Variants in TLE2 observed in about 807,000 individuals in gnomAD.
The protein encoded by TLE2 is TLE family member 2, transcriptional corepressor, also known as transducin-like enhancer protein 2.
TLE2 carries 74 observed loss-of-function variants against 97.2 expected under a neutral mutation model. The observed-to-expected ratio is 0.76, with a 90% confidence interval of 0.63 to 0.92. The LOEUF is 0.92. Ranked by LOEUF, TLE2 falls within the 40% of genes least tolerant of loss-of-function variation. The pLI, the probability that TLE2 is intolerant of heterozygous loss-of-function variation, is 0.00. For synonymous variants in TLE2, 499 were observed against 432.1 expected, an observed-to-expected ratio of 1.15 and a Z score of -1.92; for missense variants, 1,038 against 1,008.7, an observed-to-expected ratio of 1.03 and a Z score of -0.39.
In TLE2 at chr19:3,019,488, C is replaced by A; in HGVS notation, c.370-25G>T. ...GCTGCTAGAAAGGAGGCAGGATGGGCCGGGGCGGGGGGCGGCAGGAGCCCA... is the reference window on the plus strand; with the variant it reads ...GCTGCTAGAAAGGAGGCAGGATGGGACGGGGCGGGGGGCGGCAGGAGCCCA... On this transcript the variant is annotated intron_variant, in intron 6 of 19. Transcript: ENST00000262953. The surrounding 1 kb of genome is among the most constrained non-coding windows in gnomAD (Gnocchi z 5.1). 1 of 1,494,746 alleles carries A rather than the reference C, an allele frequency of 6.7e-7. No homozygotes were observed. The allele number at this position is 1,494,746 out of a possible 1,614,324, so 92.6% of individuals were successfully genotyped here.
At chr19:3,032,941 GT>G (rs10664438), upstream of TLE2, among the ~76,000 whole-genome samples, 150 of 146,106 alleles carry the variant, frequency 1.0e-3, no homozygotes, top group African/African-American at 2.7e-3. This position sits in a 1 kb window ranked among gnomAD's most constrained non-coding sequence, Gnocchi z 4.1. Context: ...CTTGTTGGTT[GT>G]TTTTTTTTTT....
At chr19:3,014,467 C>A in intron 10 of TLE2, 103 bp downstream of exon 10, 1 of 1,131,286 alleles carries the variant, frequency 8.8e-7, no homozygotes, top group East Asian at 3.1e-5. Context: ...TCCCACAGAG[C>A]GGGGAACCAG....
At chr19:3,033,257 T>C (rs2090039820), upstream of TLE2, among the ~76,000 whole-genome samples, 2 of 152,044 alleles carry the variant, frequency 1.3e-5, no homozygotes, top group African/African-American at 4.8e-5. Flanking sequence ...AAGCTCTGCC[T>C]CCCAGGTTCA....
At chr19:3,016,581 C>G (rs1365205758) in intron 8 of TLE2, among the ~76,000 whole-genome samples, 1 of 100,704 alleles carries the variant, frequency 9.9e-6, no homozygotes, top group Non-Finnish European at 1.9e-5. Context: ...CAGGGCAAGA[C>G]TCAGTCTCAA....
intron 1 of TLE2, among the ~76,000 whole-genome samples, chr19:3,043,985 A>C (rs2090124144): frequency 6.6e-6 from 1 of 151,786 alleles, no homozygotes; most frequent in Non-Finnish European, 1.5e-5. Context: ...CTCTGTCTCA[A>C]AAACAAAAAA....
intron 18 of TLE2, among the ~76,000 whole-genome samples, chr19:3,001,872 A>G (rs374992073): frequency 7.3e-6 from 1 of 137,872 alleles, no homozygotes; most frequent in African/African-American, 2.8e-5. Context: ...ATCTTGGCTC[A>G]CTGCGACCTC....
At chr19:3,042,292 G>C (rs1463045730) in intron 1 of TLE2, among the ~76,000 whole-genome samples, 4 of 124,414 alleles carry the variant, frequency 3.2e-5, no homozygotes, top group South Asian at 3.1e-4. Flanking sequence ...AGGGAGGAAG[G>C]GGGGGCGGTG....
chr19:3,006,086 G>A (rs754164250), intron 15 of TLE2, 118 bp from the exon 16 acceptor site: 1 of 1,278,518 alleles, frequency 7.8e-7, no homozygotes, highest in South Asian at 1.2e-5. Flanking sequence ...TAGCCTGCAA[G>A]CCCTACCCTG....
In TLE2 at chr19:3,006,663, G is replaced by C; in HGVS notation, c.1257C>G (p.Tyr419Ter). 6.3e-7 allele frequency: 1 copy of C among 1,596,068 alleles called. No individual in the cohort carries two copies. Among genetic ancestry groups the C allele is most frequent in the Non-Finnish European group, 8.5e-7 (1 of 1,169,930 alleles). The change falls in exon 15 of 20, where the codon TAC becomes TAG. Residue 419 changes from tyrosine to a stop codon, truncating the protein, a stop_gained. Transcript: ENST00000262953. LOFTEE classifies it high-confidence loss of function. ...LPSIPGGKPAYSFHVSADGQM... is the reference protein window; with the variant it reads ...LPSIPGGKPA Reference sequence around the variant, plus strand: ...GCCCGTCCGCAGACACGTGGAAGGAGTAGGCCCTGGAGAGAAAGCCGGGGC... The same window carrying C: ...GCCCGTCCGCAGACACGTGGAAGGACTAGGCCCTGGAGAGAAAGCCGGGGC...
At chr19:3,011,286 G>C (rs2089590016) in intron 11 of TLE2, 126 bp from the exon 12 acceptor site, 3 of 1,087,686 alleles carry the variant, frequency 2.8e-6, no homozygotes, top group South Asian at 1.8e-5. Flanking sequence ...CCAGCACTTT[G>C]GGAGGCCCAG....
chr19:3,046,348 C>T (rs189721779), upstream of TLE2, among the ~76,000 whole-genome samples: 1 of 152,350 alleles, frequency 6.6e-6, no homozygotes, highest in Admixed American at 6.5e-5. Context: ...AGCGCAGGCA[C>T]CTGGCCGGCC....
chr19:3,012,811 G>T (rs1390790298), intron 11 of TLE2, among the ~76,000 whole-genome samples: 1 of 152,124 alleles, frequency 6.6e-6, no homozygotes, highest in African/African-American at 2.4e-5. Context: ...CTTGTCTTGC[G>T]TCTGTCTCGG....
chr19:3,041,876 G>A (rs2090105827), intron 1 of TLE2, among the ~76,000 whole-genome samples: 1 of 152,176 alleles, frequency 6.6e-6, no homozygotes, highest in South Asian at 2.1e-4. Flanking sequence ...CCTGCCCACG[G>A]TCACACAGCC....
In TLE2 at chr19:3,005,540, G is replaced by C; in HGVS notation, c.1793C>G (p.Ser598Cys). 6.2e-7 allele frequency: 1 copy of C among 1,613,664 alleles called. No individual in the cohort carries two copies. The highest frequency in any genetic ancestry group is 1.1e-5 in the South Asian group (1 of 91,038). Residue 598 changes from serine (S) to cysteine (C), a missense_variant, in exon 17 of 20, where the codon TCC (serine) becomes TGC (cysteine). Transcript: ENST00000262953. ...TGTCCAGAGCCGAGTGCCGTAATCG[G>C]AAATATCAATGCAGCTGGCGCCGTC... is the stretch of plus-strand genomic sequence containing the variant. ...HTDGASCIDI[S>C]DYGTRLWTGG...
Position 3,019,934 on chromosome 19 carries a change from G to A in TLE2, c.295-161C>T. The A allele has an allele frequency of 9.9e-7, 1 of 1,005,088 alleles. No individual in the cohort carries two copies. The highest frequency in any genetic ancestry group is 1.7e-5 in the South Asian group (1 of 58,614). 62.3% of individuals were successfully genotyped at this position (1,005,088 alleles called of 1,614,324 possible). On this transcript the variant is annotated intron_variant, in intron 5 of 19. Coordinates refer to ENST00000262953, the MANE Select transcript of TLE2 (RefSeq NM_003260.5). This position sits in a 1 kb window ranked among gnomAD's most constrained non-coding sequence, Gnocchi z 5.1. ...CCTCTCACTCTCTCCCTTTCCTTTT[G>A]GAATTTTGAAATAAGCACACGGAGA...
In TLE2 at chr19:3,019,598, A is replaced by C. The variant is rs2089796046; in HGVS notation, c.369+101T>G. The C allele has an allele frequency of 2.0e-6, 3 of 1,524,458 alleles. No homozygotes were observed. Among genetic ancestry groups the C allele is most frequent in the Non-Finnish European group, 2.7e-6 (3 of 1,131,336 alleles). 94.4% of individuals were successfully genotyped at this position (1,524,458 alleles called of 1,614,324 possible). A position where few individuals can be genotyped will look rare whatever the true frequency, so the allele number is the denominator to read the frequency against. On this transcript the variant is annotated intron_variant, in intron 6 of 19. Transcript: ENST00000262953. The surrounding 1 kb of genome is among the most constrained non-coding windows in gnomAD (Gnocchi z 5.1). ...TGGGGTTCCCAGGACCACTGGAGCCAAGGCCCACACACCACCCCAGCTTTA... is the reference window on the plus strand; with the variant it reads ...TGGGGTTCCCAGGACCACTGGAGCCCAGGCCCACACACCACCCCAGCTTTA...
In TLE2 at chr19:3,024,979, G is replaced by A. The variant is rs558120079; in HGVS notation, c.294+41C>T. 1.1e-3 allele frequency: 1,620 copies of A among 1,518,942 alleles called. 24 individuals carry two copies. The South Asian group carries it at 0.019, about 18-fold the overall frequency. The allele number at this position is 1,518,942 out of a possible 1,614,324, so 94.1% of individuals were successfully genotyped here. A position where few individuals can be genotyped will look rare whatever the true frequency, so the allele number is the denominator to read the frequency against. On this transcript the variant is annotated intron_variant, in intron 5 of 19. Coordinates refer to ENST00000262953, the MANE Select transcript of TLE2 (RefSeq NM_003260.5). ...GACCTACCCCCTCCCGTCTTCTTCC[G>A]GCTCCCTTCCCCTCCTCCCCCCACC...
intron 1 of TLE2, among the ~76,000 whole-genome samples, chr19:3,039,975 A>G (rs1280166685): frequency 6.6e-6 from 1 of 152,256 alleles, no homozygotes; most frequent in Non-Finnish European, 1.5e-5. Flanking sequence ...ATAGCTCGAT[A>G]GATGAAAAGG....
Position 3,028,718 on chromosome 19 carries a change from G to T in TLE2, c.110C>A (p.Ala37Asp). 1.1e-5 allele frequency: 17 copies of T among 1,612,918 alleles called. No individual in the cohort carries two copies. The highest frequency in any genetic ancestry group is 1.4e-5 in the Non-Finnish European group (17 of 1,179,816). ...CGGCCCCCCTCACCTGTGGTATTGA[G>T]CCTGAAGAAACTGGAATTCTTCTTT... Reference protein sequence around the residue: ...RIKEEFQFLQAQYHSLKLECE... With the variant: ...RIKEEFQFLQDQYHSLKLECE... The change falls in exon 2 of 20, where the codon GCT (alanine) becomes GAT (aspartate). Residue 37 changes from alanine to aspartate, a missense_variant. Physicochemically the swap from Ala to Asp is moderately radical, Grantham distance 126. Transcript: ENST00000262953.
Sources: gnomAD v4.1 joint callset for allele counts (sites outside exome capture counted in the v4.1 genomes callset) on GRCh38, gnomAD v4.1.1 for gene constraint, Gnocchi (gnomAD v3.1) non-coding constraint, MANE v1.5 for transcripts, NCBI Gene and HGNC (gene_info 2026-07-23, HGNC 2026-07-21) for gene names.